CSMD2: variants seen among roughly 807,000 people sequenced by gnomAD.
The protein encoded by CSMD2 is CUB and sushi domain-containing protein 2.
In CSMD2, 130 loss-of-function variants were observed where a neutral mutation model predicts 398.5. That is an observed-to-expected ratio of 0.33 (90% CI 0.28 to 0.38). The LOEUF (loss-of-function observed/expected upper bound fraction) is 0.38, where lower values mean the gene tolerates loss of function less well. CSMD2 is among the 10% of genes least tolerant of loss of function. The pLI, the probability that CSMD2 is intolerant of heterozygous loss-of-function variation, is 1.00. For missense variants in CSMD2, 3,829 were observed against 4,764.9 expected (o/e 0.80, Z 5.78); for synonymous variants, 1,828 against 1,908.5 (o/e 0.96, Z 1.10).
At position 33,698,936 on chromosome 1, in the gene CSMD2, G is replaced by C. The variant is rs1351751379; in HGVS notation, c.3742C>G (p.Leu1248Val). ...GFELHFSSFE[L>V]IKCEDPGTPK... ...GTTCCTGGGTCCTCACATTTGATGA[G>C]TTCAAAGCCTGGTGAGGAGAGAAGA... Residue 1248 changes from leucine to valine, a missense_variant, in exon 24 of 71, where the codon CTC becomes GTC. This residue lies in a region of CSMD2 where 2,001 missense variants were observed against 2,567.1 expected (regional missense o/e 0.78). Transcript: ENST00000373381. The C allele has an allele frequency of 6.2e-7, 1 of 1,613,276 alleles. No homozygotes were observed. Among genetic ancestry groups the C allele is most frequent in the Admixed American group, 1.7e-5 (1 of 59,946 alleles).
chr1:33,772,591 C>T lies in CSMD2; in HGVS notation c.1824G>A (p.Ser608=), dbSNP rs777145641. The change falls in exon 13 of 71, where the codon TCG becomes TCA. Residue 608 remains serine, a synonymous_variant. Transcript: ENST00000373381. ...TACACACGCAGCCTGGCTTCTTAGCCGACCATTGGTTATTCTTTTGGCATG... is the reference window on the plus strand; with the variant it reads ...TACACACGCAGCCTGGCTTCTTAGCTGACCATTGGTTATTCTTTTGGCATG... The part of the protein sequence containing the change: ...AITCQKNNQW[S]AKKPGCVFSC... The T allele has an allele frequency of 1.9e-5, 31 of 1,613,552 alleles. No individual in the cohort carries two copies. In the South Asian group the frequency reaches 2.4e-4, roughly 13 times the overall value.
intron 1 of CSMD2, among the ~76,000 whole-genome samples, chr1:34,120,059 T>C (rs1383506889): frequency 6.6e-6 from 1 of 152,200 alleles, no homozygotes; most frequent in Non-Finnish European, 1.5e-5. Context: ...GAGTATGTGG[T>C]ACATACATAC....
At chr1:34,086,002 G>A (rs1564275) in intron 2 of CSMD2, among the ~76,000 whole-genome samples, 55,445 of 146,234 alleles carry the variant, frequency 0.38, 11,100 homozygotes, top group African/African-American at 0.52. Context: ...TTATGCAAAT[G>A]AAATCTTAAG....
chr1:33,901,835 G>A (rs1642779021), intron 5 of CSMD2, among the ~76,000 whole-genome samples: 1 of 152,130 alleles, frequency 6.6e-6, no homozygotes, highest in Admixed American at 6.5e-5. Flanking sequence ...TCACGCATAA[G>A]CCATAACCAA....
intron 1 of CSMD2, among the ~76,000 whole-genome samples, chr1:34,153,227 G>T (rs1302714646): frequency 6.6e-6 from 1 of 152,140 alleles, no homozygotes; most frequent in Non-Finnish European, 1.5e-5. Context: ...ATGTTGGCCA[G>T]GCTGGTCTTG....
chr1:33,817,134 A>C (rs1657558839), intron 9 of CSMD2, among the ~76,000 whole-genome samples: 1 of 152,160 alleles, frequency 6.6e-6, no homozygotes, highest in African/African-American at 2.4e-5. Flanking sequence ...TAAAAACCTT[A>C]AAATTGCCAA....
chr1:33,726,729 A>G, intron 15 of CSMD2, 44 bp from the exon 16 acceptor site: 1 of 1,567,140 alleles, frequency 6.4e-7, no homozygotes, highest in Non-Finnish European at 8.6e-7. Context: ...TCAGGGACAA[A>G]TGAGTAAACA....
At chr1:33,768,161 T>C (rs1650763661) in intron 13 of CSMD2, among the ~76,000 whole-genome samples, 1 of 152,212 alleles carries the variant, frequency 6.6e-6, no homozygotes, top group Non-Finnish European at 1.5e-5. Context: ...ACTGTCATAA[T>C]GCTACAGACT....
At position 33,643,884 on chromosome 1, in the gene CSMD2, G is replaced by GGGAA. The variant is rs1314337387; in HGVS notation, c.4774+2760_4774+2763dup. Among the ~76,000 whole-genome samples, 19 of 135,286 alleles carry GGGAA rather than the reference G, an allele frequency of 1.4e-4. No individual in the cohort carries two copies. The Admixed American group carries it at 1.4e-3, about 10-fold the overall frequency. The allele number at this position is 135,286 out of a possible 152,430, so 88.8% of individuals were successfully genotyped here. ...ACTAATATTAGGAGGTGTGTAGTCT[G>GGGAA]GGAATGAAGGAAGGAAGGAAGGAAG... On this transcript the variant is annotated intron_variant, in intron 29 of 70. Coordinates refer to ENST00000373381, the MANE Select transcript of CSMD2 (RefSeq NM_001281956.2).
In CSMD2 at chr1:33,524,299, T is replaced by G. The variant is rs113973163; in HGVS notation, c.10396+583A>C. Among the ~76,000 whole-genome samples the G allele has an allele frequency of 3.9e-5, 6 of 152,340 alleles. 2 individuals are homozygous for G. The highest frequency in any genetic ancestry group is 1.4e-4 in the African/African-American group (6 of 41,580). ...GCCTTGTAATGGGAACAGCCTTTAT[T>G]CATAAATGTTTGACTCCCTCCGTAT... On this transcript the variant is annotated intron_variant, in intron 66 of 70. Coordinates refer to ENST00000373381, the MANE Select transcript of CSMD2 (RefSeq NM_001281956.2).
At chr1:34,109,687 A>G (rs1232243716) in intron 1 of CSMD2, among the ~76,000 whole-genome samples, 1 of 152,146 alleles carries the variant, frequency 6.6e-6, no homozygotes, top group Admixed American at 6.5e-5. Context: ...TTTACAAGAA[A>G]AAAATAAACA....
intron 21 of CSMD2, among the ~76,000 whole-genome samples, chr1:33,714,127 A>T (rs1328968977): frequency 6.6e-6 from 1 of 152,124 alleles, no homozygotes; most frequent in Admixed American, 6.5e-5. Flanking sequence ...TCTAAGAGTG[A>T]GCACCGCCAT....
At position 33,519,390 on chromosome 1, in the gene CSMD2, G is replaced by T; in HGVS notation, c.*53+75C>A. On this transcript the variant is annotated intron_variant, in intron 70 of 70. Transcript: ENST00000373381. The surrounding 1 kb of genome is among the most constrained non-coding windows in gnomAD (Gnocchi z 5.6). Reference sequence around the variant, plus strand: ...TCTATGTGGTGTGTGCGACTCCGTTGGGTGGAGCCCCTGGCACGCATAGGT... The same window carrying T: ...TCTATGTGGTGTGTGCGACTCCGTTTGGTGGAGCCCCTGGCACGCATAGGT... The T allele has an allele frequency of 2.3e-6, 2 of 879,852 alleles. No homozygotes were observed. Among genetic ancestry groups the T allele is most frequent in the Non-Finnish European group, 3.6e-6 (2 of 556,652 alleles). 54.5% of individuals were successfully genotyped at this position (879,852 alleles called of 1,614,324 possible).
intron 3 of CSMD2, among the ~76,000 whole-genome samples, chr1:34,008,203 C>T (rs995215466): frequency 6.6e-6 from 1 of 152,172 alleles, no homozygotes; most frequent in Non-Finnish European, 1.5e-5. Context: ...CCCATCTCCC[C>T]ACAGGTTCCT....
In CSMD2 at chr1:33,537,553, A is replaced by C. The variant is rs1287360208; in HGVS notation, c.9688T>G (p.Phe3230Val). ...AAGGAGACAGATGACCTGTAGGAGA[A>C]GCCTCGGTCCTCTCTCCTCCCACGG... ...PSRGRREDRGFSYRSSVSFSC... is the reference protein window; with the variant it reads ...PSRGRREDRGVSYRSSVSFSC... Residue 3230 changes from phenylalanine (F) to valine (V), a missense_variant, in exon 61 of 71, where the codon TTC (phenylalanine) becomes GTC (valine). Transcript: ENST00000373381. The surrounding 1 kb of genome is among the most constrained non-coding windows in gnomAD (Gnocchi z 4.6). 1 of 1,614,214 alleles carries C rather than the reference A, an allele frequency of 6.2e-7. No individual in the cohort carries two copies. Among genetic ancestry groups the C allele is most frequent in the South Asian group, 1.1e-5 (1 of 91,082 alleles).
In CSMD2 at chr1:33,612,205, C is replaced by G. The variant is rs367723598; in HGVS notation, c.6134-955G>C. On this transcript the variant is annotated intron_variant, in intron 40 of 70. Transcript: ENST00000373381. ...TAAGCCATTAGTGATTATCGCTGCACGATGAGATTATAGATGGATTTTCAT... is the reference window on the plus strand; with the variant it reads ...TAAGCCATTAGTGATTATCGCTGCAGGATGAGATTATAGATGGATTTTCAT... Among the ~76,000 whole-genome samples the G allele has an allele frequency of 8.7e-4, 132 of 152,236 alleles. 6 individuals are homozygous for G. The South Asian group carries it at 0.027, about 31-fold the overall frequency.
At chr1:34,092,538 T>C (rs1014781330) in intron 1 of CSMD2, among the ~76,000 whole-genome samples, 2 of 151,988 alleles carry the variant, frequency 1.3e-5, no homozygotes, top group African/African-American at 2.4e-5. Context: ...TGGGCGCAGG[T>C]CAGTGGGTGC....
intron 58 of CSMD2, 139 bp downstream of exon 58, chr1:33,542,581 C>T: frequency 1.5e-6 from 1 of 683,794 alleles, no homozygotes; most frequent in Non-Finnish European, 2.4e-6. Flanking sequence ...TCAACAGAGG[C>T]TATTCATATG....
At chr1:33,553,003 A>T (rs1454023761) in intron 55 of CSMD2, among the ~76,000 whole-genome samples, 1 of 152,252 alleles carries the variant, frequency 6.6e-6, no homozygotes, top group Non-Finnish European at 1.5e-5. Flanking sequence ...AAAGATTGTC[A>T]GATAGGGTTT....
Sources: allele counts gnomAD v4.1 joint callset (sites outside exome capture counted in the v4.1 genomes callset), GRCh38; gene constraint gnomAD v4.1.1; regional missense constraint gnomAD v4.1.1; non-coding constraint Gnocchi (gnomAD v3.1); transcripts MANE v1.5; gene names NCBI Gene and HGNC (gene_info 2026-07-23, HGNC 2026-07-21).